RAB10: variants seen among roughly 807,000 people sequenced by gnomAD.
RAB10 encodes the protein ras-related protein Rab-10.
Under a neutral mutation model 25.7 loss-of-function variants are expected in RAB10, and 5 were observed. The ratio of observed to expected loss-of-function variants is 0.19; its 90% CI spans 0.10 to 0.41. The LOEUF is 0.41. Among genes scored for constraint, RAB10 ranks in the 10% least tolerant of loss-of-function variants. The probability of loss-of-function intolerance (pLI) is 1.00; values close to 1 mark genes in which losing one functional copy is unlikely to be tolerated. For synonymous variants in RAB10, 89 were observed against 86.4 expected (o/e 1.03, Z -0.16); for missense variants, 103 against 245.8 (o/e 0.42, Z 3.89).
At chr2:26,125,732 G>C (rs1396542310) in intron 3 of RAB10, among the ~76,000 whole-genome samples, 2 of 151,996 alleles carry the variant, frequency 1.3e-5, no homozygotes, top group Non-Finnish European at 2.9e-5. Flanking sequence ...TTTTGTTGTT[G>C]TTAGGAGTTT....
chr2:26,095,588 C>T (rs527861050), intron 1 of RAB10, among the ~76,000 whole-genome samples: 5 of 150,732 alleles, frequency 3.3e-5, no homozygotes, highest in South Asian at 4.2e-4. Context: ...GCCTGGGCGA[C>T]AGAGCGAGAC....
chr2:26,053,771 G>A (rs1221000847), intron 1 of RAB10, among the ~76,000 whole-genome samples: 1 of 152,040 alleles, frequency 6.6e-6, no homozygotes, highest in Non-Finnish European at 1.5e-5. Context: ...TCATGCTGGA[G>A]TGCAATGGCA....
intron 4 of RAB10, 42 bp downstream of exon 4, chr2:26,127,275 A>G (rs774015777): frequency 9.5e-6 from 13 of 1,361,738 alleles, no homozygotes; most frequent in African/African-American, 3.0e-5. Context: ...CTGTCTTTGT[A>G]AAGGTAATGC....
At chr2:26,095,435 G>A (rs991122032) in intron 1 of RAB10, among the ~76,000 whole-genome samples, 25 of 152,028 alleles carry the variant, frequency 1.6e-4, no homozygotes, top group African/African-American at 5.8e-4. Flanking sequence ...GTGAAACCCC[G>A]TCTCTACTAA....
intron 1 of RAB10, among the ~76,000 whole-genome samples, chr2:26,048,861 C>G (rs1427919650): frequency 6.6e-6 from 1 of 152,152 alleles, no homozygotes; most frequent in African/African-American, 2.4e-5. Flanking sequence ...GAGACTCTAT[C>G]TCAATACAAT....
intron 1 of RAB10, among the ~76,000 whole-genome samples, chr2:26,053,614 C>T (rs1375539323): frequency 6.6e-6 from 1 of 152,134 alleles, no homozygotes; most frequent in Admixed American, 6.5e-5. Context: ...AATATTCGTG[C>T]TTACAAAGTG....
intron 2 of RAB10, among the ~76,000 whole-genome samples, chr2:26,106,783 G>A (rs950084489): frequency 2.2e-4 from 33 of 152,062 alleles, no homozygotes; most frequent in African/African-American, 8.0e-4. Flanking sequence ...TCTTTGGGAG[G>A]CTGAGGTTGG....
At chr2:26,125,832 C>T (rs1046298501) in intron 3 of RAB10, among the ~76,000 whole-genome samples, 2 of 152,046 alleles carry the variant, frequency 1.3e-5, no homozygotes, top group African/African-American at 4.8e-5. Flanking sequence ...TCTTTTCATT[C>T]TCTTGATAGC....
intron 1 of RAB10, among the ~76,000 whole-genome samples, chr2:26,049,204 G>A (rs914495207): frequency 4.2e-5 from 4 of 94,460 alleles, no homozygotes; most frequent in Non-Finnish European, 6.5e-5. Context: ...TTTTTTTTTT[G>A]CTTGTGGAAG....
intron 1 of RAB10, among the ~76,000 whole-genome samples, chr2:26,071,987 T>G (rs1002155540): frequency 6.6e-6 from 1 of 152,212 alleles, no homozygotes; most frequent in African/African-American, 2.4e-5. Flanking sequence ...TTTTTTCATA[T>G]TGTATAATGA....
At chr2:26,074,257 T>C (rs1294068534) in intron 1 of RAB10, among the ~76,000 whole-genome samples, 1 of 152,132 alleles carries the variant, frequency 6.6e-6, no homozygotes, top group Non-Finnish European at 1.5e-5. Context: ...CTTTCTAGAT[T>C]ATAAATGGTG....
intron 1 of RAB10, among the ~76,000 whole-genome samples, chr2:26,048,045 T>G (rs1431624931): frequency 5.3e-5 from 8 of 151,886 alleles, no homozygotes; most frequent in African/African-American, 1.4e-4. Flanking sequence ...TAGTTTTTTT[T>G]TTTTTTTTTT....
At chr2:26,082,835 A>G (rs907796664) in intron 1 of RAB10, among the ~76,000 whole-genome samples, 5 of 152,192 alleles carry the variant, frequency 3.3e-5, no homozygotes, top group Non-Finnish European at 7.4e-5. Context: ...CAAGAACATA[A>G]TAATTATTAA....
rs1475683175 is a variant in RAB10, at chr2:26,090,940, C to A, written c.128-7722C>A. 1.2e-4 allele frequency among the ~76,000 whole-genome samples: 17 copies of A among 143,108 alleles called. No homozygotes were observed. The South Asian group carries it at 1.6e-3, about 13-fold the overall frequency. 93.9% of individuals were successfully genotyped at this position (143,108 alleles called of 152,430 possible). On this transcript the variant is annotated intron_variant, in intron 1 of 5. Coordinates refer to ENST00000264710, the MANE Select transcript of RAB10 (RefSeq NM_016131.5). ...AAGAGCGAGACCCTGTCTCCCCCCC[C>A]AAAAAAAAAAAAAAAAATTCTGATA... is the stretch of plus-strand genomic sequence containing the variant.
At chr2:26,056,359 C>T (rs1034331913) in intron 1 of RAB10, among the ~76,000 whole-genome samples, 5 of 152,132 alleles carry the variant, frequency 3.3e-5, no homozygotes, top group African/African-American at 4.8e-5. Context: ...CCATCACACC[C>T]GGCTAATTTT....
At position 26,137,309 on chromosome 2, in the gene RAB10, C is replaced by T. The variant is rs1021160141; in HGVS notation, c.*2288C>T. 1 of 152,640 alleles carries T rather than the reference C, an allele frequency of 6.6e-6. No individual in the cohort carries two copies. Among genetic ancestry groups the T allele is most frequent in the Admixed American group, 6.5e-5 (1 of 15,288 alleles). The allele number at this position is 152,640 out of a possible 1,614,324, so 9.5% of individuals were successfully genotyped here. On this transcript the variant is annotated 3_prime_UTR_variant, in exon 6 of 6. Transcript: ENST00000264710. ...AGTCTCTTGGGATCCTGTGTAGAAG[C>T]TGTTCTCATTAAACACCAAACAGTT...
intron 3 of RAB10, among the ~76,000 whole-genome samples, chr2:26,119,158 G>C (rs1026805104): frequency 5.9e-5 from 9 of 152,168 alleles, no homozygotes; most frequent in African/African-American, 2.2e-4. Context: ...TGTAATCCCA[G>C]CACTTTGGGA....
intron 1 of RAB10, among the ~76,000 whole-genome samples, chr2:26,036,906 C>T (rs773073813): frequency 2.0e-5 from 3 of 151,992 alleles, no homozygotes; most frequent in Non-Finnish European, 4.4e-5. Flanking sequence ...TCTGCCTCAG[C>T]TTCCTGAGTA....
chr2:26,104,821 T>C (rs1667434595), intron 2 of RAB10, among the ~76,000 whole-genome samples: 1 of 150,914 alleles, frequency 6.6e-6, no homozygotes, highest in Admixed American at 6.6e-5. Context: ...CACTGCAAGC[T>C]CTGCCTCCTG....
Sources: gnomAD v4.1 joint callset for allele counts (sites outside exome capture counted in the v4.1 genomes callset) on GRCh38, gnomAD v4.1.1 for gene constraint, MANE v1.5 for transcripts, NCBI Gene and HGNC (gene_info 2026-07-23, HGNC 2026-07-21) for gene names.